LYST: variants seen among roughly 807,000 people sequenced by gnomAD.
The protein encoded by LYST is lysosomal trafficking regulator.
In LYST, 192 loss-of-function variants were observed where a neutral mutation model predicts 413.6. That is an observed-to-expected ratio of 0.46 (90% CI 0.41 to 0.52). LYST has a LOEUF of 0.52. Among genes scored for constraint, LYST ranks in the 20% least tolerant of loss-of-function variants. The pLI is 0.00. For synonymous variants in LYST, 1,525 were observed against 1,567.3 expected (o/e 0.97, Z 0.64); for missense variants, 3,815 against 4,499.9 (o/e 0.85, Z 4.35).
At chr1:235,761,848 T>C (rs1465361909) in intron 22 of LYST, among the ~76,000 whole-genome samples, 2 of 151,430 alleles carry the variant, frequency 1.3e-5, no homozygotes, top group Non-Finnish European at 2.9e-5. Context: ...TTTTTCAGCA[T>C]GTCAGAACTC....
chr1:235,808,638 T>C lies in LYST; in HGVS notation c.2180A>G (p.Gln727Arg), dbSNP rs1292690011. The C allele has an allele frequency of 6.2e-7, 1 of 1,612,948 alleles. No individual in the cohort carries two copies. Among genetic ancestry groups the C allele is most frequent in the Admixed American group, 1.7e-5 (1 of 59,944 alleles). Reference sequence around the variant, plus strand: ...AAATATGTAATTATATAATTTCCACTGAACAACTATATTGCCTTTCTGGAT... The same window carrying C: ...AAATATGTAATTATATAATTTCCACCGAACAACTATATTGCCTTTCTGGAT... ...NLIQKGNIVV[Q>R]WKLYNYIFNP... is the part of the protein sequence containing the mutation. The change falls in exon 5 of 53, where the codon CAG becomes CGG. Residue 727 changes from glutamine (Q) to arginine (R), a missense_variant. This residue lies in a region of LYST where 1,648 missense variants were observed against 1,810.3 expected (regional missense o/e 0.91). Coordinates refer to ENST00000389793, the MANE Select transcript of LYST (RefSeq NM_000081.4).
At chr1:235,721,198 A>G (rs1558151009) in intron 39 of LYST, among the ~76,000 whole-genome samples, 3 of 152,164 alleles carry the variant, frequency 2.0e-5, no homozygotes, top group Admixed American at 6.5e-5. Context: ...AAAAGAAAAA[A>G]AAATAAGGAA....
chr1:235,757,152 A>T, intron 24 of LYST, 129 bp downstream of exon 24: 1 of 635,968 alleles, frequency 1.6e-6, no homozygotes, highest in South Asian at 2.5e-5. Flanking sequence ...GTAACAAACT[A>T]TATTAGTTCA....
At chr1:235,872,629 T>C (rs908478526) in intron 1 of LYST, among the ~76,000 whole-genome samples, 2 of 152,084 alleles carry the variant, frequency 1.3e-5, no homozygotes, top group African/African-American at 4.8e-5. Flanking sequence ...CAGCTTCTAT[T>C]CAGAAAGTTG....
In LYST at chr1:235,664,111, G is replaced by C. The variant is rs1017825695; in HGVS notation, c.11196-56C>G. 76 of 1,265,788 alleles carry C rather than the reference G, an allele frequency of 6.0e-5. No homozygotes were observed. The highest frequency in any genetic ancestry group is 8.2e-5 in the Non-Finnish European group (71 of 863,842). 78.4% of individuals were successfully genotyped at this position (1,265,788 alleles called of 1,614,324 possible). A position where few individuals can be genotyped will look rare whatever the true frequency, so the allele number is the denominator to read the frequency against. ...AAACTAAAATTACTCTCCCTAAAAA[G>C]CCCTCTATATTTGTTTATTTGTTAA... On this transcript the variant is annotated intron_variant, in intron 51 of 52. Transcript: ENST00000389793. The surrounding 1 kb of genome is among the most constrained non-coding windows in gnomAD (Gnocchi z 4.5).
chr1:235,790,917 G>T (rs926626615), intron 12 of LYST, among the ~76,000 whole-genome samples: 3 of 152,128 alleles, frequency 2.0e-5, no homozygotes, highest in African/African-American at 7.2e-5. Flanking sequence ...ATGAGAAGGA[G>T]AACTTGAAAT....
chr1:235,822,614 A>G (rs1455863255), intron 3 of LYST, among the ~76,000 whole-genome samples: 1 of 152,210 alleles, frequency 6.6e-6, no homozygotes, highest in East Asian at 1.9e-4. Context: ...AGAGGCGTAG[A>G]GGGGAGTGAG....
chr1:235,864,754 G>A (rs561829685), intron 1 of LYST, among the ~76,000 whole-genome samples: 7 of 152,128 alleles, frequency 4.6e-5, no homozygotes, highest in Non-Finnish European at 8.8e-5. Context: ...CAACAATGGC[G>A]AAACCCCATC....
intron 43 of LYST, among the ~76,000 whole-genome samples, chr1:235,709,544 T>C (rs1662240076): frequency 6.7e-6 from 1 of 150,078 alleles, no homozygotes; most frequent in Non-Finnish European, 1.5e-5. Flanking sequence ...CTTTCAACTT[T>C]ATCCTTCTAC....
At chr1:235,693,293 C>A (rs375792494) in intron 47 of LYST, 57 bp downstream of exon 47, 5 of 1,311,288 alleles carry the variant, frequency 3.8e-6, no homozygotes, top group Middle Eastern at 2.6e-4. Flanking sequence ...CCAGCTTGGG[C>A]GGCAGAGTGA....
intron 41 of LYST, 32 bp from the exon 42 acceptor site, chr1:235,715,389 G>T (rs371736647): frequency 1.1e-5 from 18 of 1,608,472 alleles, no homozygotes; most frequent in Admixed American, 1.7e-5. Flanking sequence ...GAGAATTCAT[G>T]ATTGTGGGCT....
At chr1:235,874,436 C>T (rs1049753460) in intron 1 of LYST, among the ~76,000 whole-genome samples, 3 of 152,158 alleles carry the variant, frequency 2.0e-5, no homozygotes, top group South Asian at 2.1e-4. Context: ...TCTGGAGCAG[C>T]GCGGAGGGAC....
intron 45 of LYST, among the ~76,000 whole-genome samples, chr1:235,701,647 AATC>A (rs1307073756): frequency 6.6e-6 from 1 of 152,180 alleles, no homozygotes; most frequent in African/African-American, 2.4e-5. Context: ...TCAATCAATC[AATC>A]AAGTGACAGA....
intron 28 of LYST, chr1:235,747,320 T>C (rs891960389): frequency 4.6e-6 from 2 of 432,846 alleles, no homozygotes; most frequent in Non-Finnish European, 9.3e-6. Flanking sequence ...GAACCCTTCA[T>C]TGGAATTGAA....
intron 12 of LYST, among the ~76,000 whole-genome samples, chr1:235,790,948 C>T (rs1670913701): frequency 1.3e-5 from 2 of 151,896 alleles, no homozygotes; most frequent in Admixed American, 6.6e-5. Context: ...AAGAAGTTTG[C>T]GACCAGCCTG....
upstream of LYST, among the ~76,000 whole-genome samples, chr1:235,869,420 T>C (rs1457782096): frequency 1.3e-5 from 2 of 151,842 alleles, no homozygotes; most frequent in African/African-American, 2.4e-5. Flanking sequence ...TGCAGTGAGC[T>C]GAGATAGCGC....
At chr1:235,804,255 A>C (rs750164157) in intron 7 of LYST, among the ~76,000 whole-genome samples, 3 of 152,206 alleles carry the variant, frequency 2.0e-5, no homozygotes, top group Non-Finnish European at 2.9e-5. Context: ...AGTAATTCTC[A>C]GTAAATTTCC....
chr1:235,757,180 AG>A (rs1412869623), intron 24 of LYST, 100 bp downstream of exon 24: 1 of 718,062 alleles, frequency 1.4e-6, no homozygotes, highest in African/African-American at 1.8e-5. Flanking sequence ...AAAATATAAA[AG>A]AGAGATTTAG....
chr1:235,798,536 C>A (rs1313501745), intron 10 of LYST, among the ~76,000 whole-genome samples: 2 of 127,988 alleles, frequency 1.6e-5, no homozygotes, highest in Admixed American at 9.2e-5. Context: ...TGAGATCGCA[C>A]CACTGCACTC....
Sources: allele counts gnomAD v4.1 joint callset (sites outside exome capture counted in the v4.1 genomes callset), GRCh38; gene constraint gnomAD v4.1.1; regional missense constraint gnomAD v4.1.1; non-coding constraint Gnocchi (gnomAD v3.1); transcripts MANE v1.5; gene names NCBI Gene and HGNC (gene_info 2026-07-23, HGNC 2026-07-21).